The following COBL variants were observed in gnomAD, a reference collection of about 807,000 sequenced individuals.
COBL encodes cordon-bleu WH2 repeat protein.
In COBL, 51 loss-of-function variants were observed where a neutral mutation model predicts 98.8. The ratio of observed to expected loss-of-function variants is 0.52; its 90% CI spans 0.41 to 0.65. COBL has a LOEUF of 0.65. Among genes scored for constraint, COBL ranks in the 30% least tolerant of loss-of-function variants. The pLI is 0.00. For synonymous variants in COBL, 634 were observed against 651.7 expected (o/e 0.97, Z 0.41); for missense variants, 1,617 against 1,617.5 (o/e 1.00, Z 0.01).
At chr7:51,041,478 C>CTTTTTTTTTTTTTTTTTTTT (rs773830122) in intron 8 of COBL, among the ~76,000 whole-genome samples, 2 of 80,024 alleles carry the variant, frequency 2.5e-5, no homozygotes, top group Admixed American at 1.9e-4. Flanking sequence ...TATTTCTTTC[C>CTTTTTTTTTTTTTTTTTTTT]TTTTTTTTTT....
At chr7:51,020,370 C>T (rs1419107494) in intron 12 of COBL, among the ~76,000 whole-genome samples, 1 of 152,152 alleles carries the variant, frequency 6.6e-6, no homozygotes, top group Non-Finnish European at 1.5e-5. Flanking sequence ...GACCCCGCAC[C>T]CCTGCCCCCT....
At chr7:51,062,310 G>C (rs1433900616) in intron 7 of COBL, among the ~76,000 whole-genome samples, 1 of 152,056 alleles carries the variant, frequency 6.6e-6, no homozygotes, top group Non-Finnish European at 1.5e-5. Flanking sequence ...GCGTCTGTGA[G>C]AGGTGGCAGG....
chr7:51,065,525 T>C (rs1583662667), intron 7 of COBL: 7 of 636,172 alleles, frequency 1.1e-5, no homozygotes, highest in Middle Eastern at 7.0e-4. Flanking sequence ...ACATACAGTG[T>C]TGGGCTAGGG....
chr7:51,150,333 T>C (rs994206947), intron 5 of COBL, among the ~76,000 whole-genome samples: 2 of 152,170 alleles, frequency 1.3e-5, no homozygotes, highest in East Asian at 1.9e-4. Context: ...GTGCTCATGA[T>C]TGAACGTAGG....
At chr7:51,171,311 A>G (rs2129043458) in intron 5 of COBL, among the ~76,000 whole-genome samples, 1 of 152,224 alleles carries the variant, frequency 6.6e-6, no homozygotes, top group Non-Finnish European at 1.5e-5. Flanking sequence ...TTCAAGGATC[A>G]TCAAAGGATC....
rs1787918068 is a variant in COBL, at chr7:51,029,247, T to C, written c.1849A>G (p.Asn617Asp). 1.2e-6 allele frequency: 2 copies of C among 1,613,424 alleles called. No individual in the cohort carries two copies. The highest frequency in any genetic ancestry group is 1.7e-6 in the Non-Finnish European group (2 of 1,179,646). Residue 617 changes from asparagine (N) to aspartate (D), a missense_variant, in exon 10 of 13, where the codon AAC becomes GAC. Asn to Asp is a conservative substitution (Grantham distance 23). Transcript: ENST00000265136. ...VGKGIRVALS[N>D]ISKDGNLMET... ...ATTAGATTCCCATCTTTAGAGATGT[T>C]AGATAAGGCCACACGGATTCCTTTT...
intron 1 of COBL, among the ~76,000 whole-genome samples, chr7:51,220,241 G>T (rs906243333): frequency 2.0e-5 from 3 of 152,140 alleles, no homozygotes; most frequent in African/African-American, 7.2e-5. Context: ...GTGCAGCAGG[G>T]TTTCGCCCGA....
intron 10 of COBL, 24 bp from the exon 11 acceptor site, chr7:51,026,689 A>T (rs769326689): frequency 6.2e-7 from 1 of 1,605,526 alleles, no homozygotes; most frequent in East Asian, 2.2e-5. Context: ...AGTGTCACAC[A>T]TTTCACTGAG....
chr7:51,217,895 G>T (rs1026897616), intron 2 of COBL, among the ~76,000 whole-genome samples: 2 of 152,210 alleles, frequency 1.3e-5, no homozygotes, highest in Non-Finnish European at 2.9e-5. Context: ...AACCCTGGGG[G>T]GAAAGCCTAT....
chr7:51,026,740 A>C, intron 10 of COBL, 75 bp from the exon 11 acceptor site: 1 of 1,540,804 alleles, frequency 6.5e-7, no homozygotes. Context: ...TCATGAGAAA[A>C]CCCACTCATG....
chr7:51,086,436 C>A (rs1451772715), intron 6 of COBL, among the ~76,000 whole-genome samples: 1 of 151,036 alleles, frequency 6.6e-6, no homozygotes, highest in East Asian at 2.0e-4. Flanking sequence ...TCTCTAGTAG[C>A]TCAGAGCCAA....
At chr7:51,122,700 C>T (rs1421787089) in intron 6 of COBL, among the ~76,000 whole-genome samples, 1 of 152,118 alleles carries the variant, frequency 6.6e-6, no homozygotes, top group African/African-American at 2.4e-5. Context: ...AATGTCAGGC[C>T]AGGCACAGTG....
In COBL at chr7:51,028,794, T is replaced by G. The variant is rs753781477; in HGVS notation, c.2302A>C (p.Arg768=). The change falls in exon 10 of 13, where the codon AGA becomes CGA. Residue 768 remains arginine (R), a synonymous_variant. Coordinates refer to ENST00000265136, the MANE Select transcript of COBL (RefSeq NM_015198.5). Reference sequence around the variant, plus strand: ...ACAGAGTTGCACCTCCAGAACTCTCTGACTTTCCCAATGGGCTGAGATTCT... The same window carrying G: ...ACAGAGTTGCACCTCCAGAACTCTCGGACTTTCCCAATGGGCTGAGATTCT... The part of the protein sequence containing the change: ...EAESQPIGKV[R]EFWRCNSVEK... 6.2e-7 allele frequency: 1 copy of G among 1,614,208 alleles called. No homozygotes were observed. Among genetic ancestry groups the G allele is most frequent in the Middle Eastern group, 1.6e-4 (1 of 6,062 alleles).
In COBL at chr7:51,190,989, T is replaced by C; in HGVS notation, c.546A>G (p.Pro182=). 1 of 1,614,208 alleles carries C rather than the reference T, an allele frequency of 6.2e-7. No homozygotes were observed. Among genetic ancestry groups the C allele is most frequent in the South Asian group, 1.1e-5 (1 of 91,070 alleles). The part of the protein sequence containing the change: ...SPEVPLQNIL[P]VICAKCEVSP... ...TGACCTCACACTTTGCACAAATGACTGGGAGAATATTCTGGAGAGGAACCT... is the reference window on the plus strand; with the variant it reads ...TGACCTCACACTTTGCACAAATGACCGGGAGAATATTCTGGAGAGGAACCT... Residue 182 remains proline (P), a synonymous_variant, in exon 4 of 13, where the codon CCA becomes CCG. Coordinates refer to ENST00000265136, the MANE Select transcript of COBL (RefSeq NM_015198.5).
At chr7:51,279,392 C>A (rs1304660101) in intron 1 of COBL, among the ~76,000 whole-genome samples, 1 of 152,194 alleles carries the variant, frequency 6.6e-6, no homozygotes, top group African/African-American at 2.4e-5. Context: ...AAATAAATCA[C>A]CTGAAATTTT....
intron 1 of COBL, among the ~76,000 whole-genome samples, chr7:51,271,691 C>A (rs1328460733): frequency 6.6e-6 from 1 of 152,198 alleles, no homozygotes; most frequent in Non-Finnish European, 1.5e-5. Context: ...ATTCTGCACT[C>A]AGATTTTAAT....
At chr7:51,269,712 G>A (rs1421446176) in intron 1 of COBL, among the ~76,000 whole-genome samples, 2 of 152,258 alleles carry the variant, frequency 1.3e-5, no homozygotes, top group African/African-American at 4.8e-5. Flanking sequence ...GCCAGAGTGA[G>A]GAAAGGGAAA....
chr7:51,174,421 A>T (rs573385673), intron 5 of COBL, among the ~76,000 whole-genome samples: 1 of 152,364 alleles, frequency 6.6e-6, no homozygotes, highest in South Asian at 2.1e-4. Flanking sequence ...TAAAGATAAG[A>T]CTGAAGAAGG....
chr7:51,196,395 T>C (rs1253796247), intron 2 of COBL, among the ~76,000 whole-genome samples: 1 of 152,202 alleles, frequency 6.6e-6, no homozygotes, highest in Non-Finnish European at 1.5e-5. Context: ...CTGGATTCAG[T>C]TTGCCAGTAT....
Sources: allele counts gnomAD v4.1 joint callset (sites outside exome capture counted in the v4.1 genomes callset), GRCh38; gene constraint gnomAD v4.1.1; transcripts MANE v1.5; gene names NCBI Gene and HGNC (gene_info 2026-07-23, HGNC 2026-07-21).